Variants in SEC63 observed in about 807,000 individuals in gnomAD.
SEC63 encodes the protein translocation protein SEC63 homolog.
Under a neutral mutation model 116.2 loss-of-function variants are expected in SEC63, and 56 were observed. The observed-to-expected ratio is 0.48, with a 90% CI of 0.39 to 0.60. The LOEUF (loss-of-function observed/expected upper bound fraction) is 0.60, where lower values mean the gene tolerates loss of function less well. Ranked by LOEUF, SEC63 falls within the 20% of genes least tolerant of loss-of-function variation. The pLI is 0.00. For missense variants in SEC63, 668 were observed against 900.0 expected (o/e 0.74, Z 3.30); for synonymous variants, 273 against 294.6 (o/e 0.93, Z 0.75).
At chr6:107,906,388 CTAAT>C (rs1350747029) in intron 10 of SEC63, 56 bp downstream of exon 10, 20 of 1,561,650 alleles carry the variant, frequency 1.3e-5, no homozygotes, top group Non-Finnish European at 1.8e-5. Flanking sequence ...ACCATTAAGT[CTAAT>C]TAATTCTGCT....
chr6:107,875,896 A>G (rs1028780214), intron 19 of SEC63, among the ~76,000 whole-genome samples: 1 of 152,180 alleles, frequency 6.6e-6, no homozygotes, highest in Non-Finnish European at 1.5e-5. Flanking sequence ...CAGCCCATCA[A>G]TTCGACCTCT....
chr6:107,920,516 A>G (rs1787531829), intron 4 of SEC63, among the ~76,000 whole-genome samples: 1 of 151,976 alleles, frequency 6.6e-6, no homozygotes, highest in Non-Finnish European at 1.5e-5. Context: ...ATGCAGTAGG[A>G]AACAAAAAAA....
intron 12 of SEC63, 91 bp from the exon 13 acceptor site, chr6:107,901,608 A>C: frequency 1.1e-6 from 1 of 912,570 alleles, no homozygotes; most frequent in Non-Finnish European, 1.7e-6. Flanking sequence ...CCACAACAAA[A>C]TCCAGCAACT....
At position 107,871,636 on chromosome 6, in the gene SEC63, T is replaced by G; in HGVS notation, c.*68A>C. The G allele has an allele frequency of 1.3e-6, 2 of 1,504,098 alleles. No homozygotes were observed. The highest frequency in any genetic ancestry group is 1.8e-6 in the Non-Finnish European group (2 of 1,084,632). 93.2% of individuals were successfully genotyped at this position (1,504,098 alleles called of 1,614,324 possible). A position where few individuals can be genotyped will look rare whatever the true frequency, so the allele number is the denominator to read the frequency against. ...TCAGTTCTGTACTGTTTCTGGTTTATGATACACTTCCAAAACAGCAAAAAA... is the reference window on the plus strand; with the variant it reads ...TCAGTTCTGTACTGTTTCTGGTTTAGGATACACTTCCAAAACAGCAAAAAA... On this transcript the variant is annotated 3_prime_UTR_variant, in exon 21 of 21. Coordinates refer to ENST00000369002, the MANE Select transcript of SEC63 (RefSeq NM_007214.5).
chr6:107,906,680 A>C lies in SEC63; in HGVS notation c.828+3T>G, dbSNP rs1156950156. On this transcript the variant is annotated splice_donor_region_variant and intron_variant, in intron 9 of 20. Transcript: ENST00000369002. ...ATCGGGGGATTTGGGAAATTAGCCT[A>C]ACCTGTGGTATTAGAATATTATCCG... 1.2e-6 allele frequency: 2 copies of C among 1,612,654 alleles called. No homozygotes were observed. Among genetic ancestry groups the C allele is most frequent in the Admixed American group, 3.3e-5 (2 of 60,016 alleles).
intron 16 of SEC63, among the ~76,000 whole-genome samples, chr6:107,885,660 T>C (rs1432493737): frequency 6.6e-6 from 1 of 152,162 alleles, no homozygotes; most frequent in Non-Finnish European, 1.5e-5. Context: ...TTCTAAAAAT[T>C]GGCAGGAAAT....
chr6:107,874,595 C>CAAAAAAA (rs35096526), intron 19 of SEC63, among the ~76,000 whole-genome samples: 6 of 64,540 alleles, frequency 9.3e-5, no homozygotes, highest in Non-Finnish European at 1.6e-4. Context: ...GACTCTGTCT[C>CAAAAAAA]AAAAAAAAAA....
chr6:107,881,087 T>A (rs1786404023), intron 18 of SEC63, 62 bp downstream of exon 18: 1 of 1,229,804 alleles, frequency 8.1e-7, no homozygotes, highest in Non-Finnish European at 1.2e-6. Flanking sequence ...AAAAGTCAAC[T>A]GACAAATCCC....
At chr6:107,908,822 C>G (rs1787211676) in intron 8 of SEC63, 105 bp downstream of exon 8, 1 of 650,606 alleles carries the variant, frequency 1.5e-6, no homozygotes, top group Non-Finnish European at 2.7e-6. Flanking sequence ...ATTTATAAAA[C>G]TGTACAATAG....
chr6:107,938,286 C>CT (rs1770299599), intron 1 of SEC63, among the ~76,000 whole-genome samples: 1 of 130,264 alleles, frequency 7.7e-6, no homozygotes, highest in South Asian at 2.4e-4. Context: ...CTTGCTCTGT[C>CT]ACCAGGCTAG....
chr6:107,912,650 G>C, intron 6 of SEC63, 66 bp downstream of exon 6: 1 of 905,506 alleles, frequency 1.1e-6, no homozygotes, highest in East Asian at 2.5e-5. Flanking sequence ...GTATTACCAA[G>C]ACAGATTGTA....
chr6:107,883,032 A>T lies in SEC63; in HGVS notation c.1789T>A (p.Ser597Thr). 3 of 1,612,780 alleles carry T rather than the reference A, an allele frequency of 1.9e-6. No individual in the cohort carries two copies. The highest frequency in any genetic ancestry group is 2.5e-6 in the Non-Finnish European group (3 of 1,179,490). ...SEKDDGSDRDSDREQDEKQNK... is the reference protein window; with the variant it reads ...SEKDDGSDRDTDREQDEKQNK... ...TGTTTTTCATCTTGCTCTCTATCAG[A>T]GTCTCTGTCACTACCATCATCTTTC... Residue 597 changes from serine (S) to threonine (T), a missense_variant, in exon 17 of 21, where the codon TCT (serine) becomes ACT (threonine). Transcript: ENST00000369002.
chr6:107,893,641 G>A lies in SEC63; in HGVS notation c.1515C>T (p.Asn505=). ...QPAEDGQGET[N]KNRTKGGWQQ... Reference sequence around the variant, plus strand: ...GCCATCCTCCTTTTGTCCTGTTCTTGTTAGTTTCACCCTGCTGTGAATCAT... The same window carrying A: ...GCCATCCTCCTTTTGTCCTGTTCTTATTAGTTTCACCCTGCTGTGAATCAT... Residue 505 remains asparagine (N), a synonymous_variant, in exon 16 of 21, where the codon AAC becomes AAT. Transcript: ENST00000369002. 2 of 1,612,768 alleles carry A rather than the reference G, an allele frequency of 1.2e-6. No homozygotes were observed. The highest frequency in any genetic ancestry group is 1.7e-6 in the Non-Finnish European group (2 of 1,179,806).
chr6:107,934,067 G>A (rs922506446), intron 1 of SEC63, among the ~76,000 whole-genome samples: 70 of 152,278 alleles, frequency 4.6e-4, no homozygotes, highest in East Asian at 1.2e-3. Context: ...ATCTTGGCTC[G>A]CTACAACCTC....
chr6:107,918,242 G>A (rs896602189), intron 4 of SEC63, among the ~76,000 whole-genome samples: 9 of 39,882 alleles, frequency 2.3e-4, no homozygotes, highest in Admixed American at 5.6e-4. Context: ...GTTGAGACCT[G>A]CTCAAAAAAA....
At chr6:107,899,228 T>A (rs1249782397) in intron 13 of SEC63, among the ~76,000 whole-genome samples, 1 of 152,318 alleles carries the variant, frequency 6.6e-6, no homozygotes, top group African/African-American at 2.4e-5. Context: ...CCTGCTTCTA[T>A]ATTTCTTCTA....
chr6:107,903,844 A>T (rs1787067664), intron 11 of SEC63, among the ~76,000 whole-genome samples: 1 of 152,184 alleles, frequency 6.6e-6, no homozygotes, highest in Non-Finnish European at 1.5e-5. Context: ...ACAATAAAAT[A>T]ATTAAATTAT....
intron 16 of SEC63, among the ~76,000 whole-genome samples, chr6:107,888,094 A>G (rs928537074): frequency 6.6e-6 from 1 of 152,166 alleles, no homozygotes; most frequent in Non-Finnish European, 1.5e-5. Context: ...TTGGTTCCAT[A>G]TGAAATTTAA....
chr6:107,926,064 C>G (rs545080563), intron 2 of SEC63, among the ~76,000 whole-genome samples: 1 of 152,132 alleles, frequency 6.6e-6, no homozygotes, highest in Non-Finnish European at 1.5e-5. Flanking sequence ...GTGATCCGCT[C>G]GCCTCAGCCT....
Sources: allele counts gnomAD v4.1 joint callset (sites outside exome capture counted in the v4.1 genomes callset), GRCh38; gene constraint gnomAD v4.1.1; transcripts MANE v1.5; gene names NCBI Gene and HGNC (gene_info 2026-07-23, HGNC 2026-07-21).